Variants in SDK1 observed in about 807,000 individuals in gnomAD.
SDK1 encodes sidekick cell adhesion molecule 1.
In SDK1, 157 loss-of-function variants were observed where a neutral mutation model predicts 245.5. The ratio of observed to expected loss-of-function variants is 0.64; its 90% CI spans 0.56 to 0.73. The LOEUF (loss-of-function observed/expected upper bound fraction) is 0.73, where lower values mean the gene tolerates loss of function less well. Among genes scored for constraint, SDK1 ranks in the 30% least tolerant of loss-of-function variants. The pLI is 0.00. For missense variants in SDK1, 3,583 were observed against 3,002.3 expected (o/e 1.19, Z -4.52); for synonymous variants, 1,647 against 1,278.5 (o/e 1.29, Z -6.15).
chr7:3,793,331 A>T (rs1778864042), intron 4 of SDK1, among the ~76,000 whole-genome samples: 2 of 152,190 alleles, frequency 1.3e-5, no homozygotes, highest in South Asian at 4.1e-4. Flanking sequence ...TATTATTAAT[A>T]ATCAGCTCTG....
chr7:3,438,849 ATT>A (rs527596036), intron 1 of SDK1, among the ~76,000 whole-genome samples: 10 of 131,180 alleles, frequency 7.6e-5, no homozygotes, highest in African/African-American at 2.2e-4. Flanking sequence ...TTGTATTAAT[ATT>A]TTTTTTTTTT....
intron 1 of SDK1, among the ~76,000 whole-genome samples, chr7:3,435,538 G>A (rs1287117116): frequency 1.3e-5 from 2 of 151,104 alleles, no homozygotes; most frequent in Admixed American, 6.6e-5. Flanking sequence ...TTATTATTTT[G>A]TATTTTAGTA....
At chr7:4,127,311 T>C in intron 25 of SDK1, 70 bp from the exon 26 acceptor site, 1 of 1,166,302 alleles carries the variant, frequency 8.6e-7, no homozygotes, top group Non-Finnish European at 1.3e-6. Context: ...ATTATTTGGG[T>C]GAAAGCTGGA....
At chr7:4,005,073 G>C (rs960192001) in intron 14 of SDK1, among the ~76,000 whole-genome samples, 1 of 127,500 alleles carries the variant, frequency 7.8e-6, no homozygotes, top group African/African-American at 3.3e-5. Flanking sequence ...TTGAGACGGA[G>C]TCTTGCTGTG....
chr7:3,484,781 C>G (rs1422373371), intron 1 of SDK1, among the ~76,000 whole-genome samples: 1 of 152,198 alleles, frequency 6.6e-6, no homozygotes, highest in African/African-American at 2.4e-5. Context: ...CTGGGCCTGA[C>G]TTTCGCTTAA....
At chr7:3,353,647 A>G (rs899206233) in intron 1 of SDK1, among the ~76,000 whole-genome samples, 1 of 152,236 alleles carries the variant, frequency 6.6e-6, no homozygotes, top group African/African-American at 2.4e-5. Flanking sequence ...CTGCCCGTCA[A>G]AGCCAGACCT....
chr7:3,721,154 G>A (rs1043375217), intron 4 of SDK1, among the ~76,000 whole-genome samples: 1 of 152,192 alleles, frequency 6.6e-6, no homozygotes, highest in African/African-American at 2.4e-5. Context: ...GCTGGAGGGA[G>A]CTTGGAGGTG....
chr7:3,980,876 G>A (rs1000597206), intron 13 of SDK1, among the ~76,000 whole-genome samples: 1 of 151,954 alleles, frequency 6.6e-6, no homozygotes, highest in Non-Finnish European at 1.5e-5. Context: ...AGGAGGCGGA[G>A]GTTGCAGTGA....
chr7:3,578,560 A>G (rs887969161), intron 1 of SDK1, among the ~76,000 whole-genome samples: 3 of 151,922 alleles, frequency 2.0e-5, no homozygotes, highest in Non-Finnish European at 4.4e-5. Flanking sequence ...ACCAGGGTGT[A>G]TTTCAGTCCT....
chr7:3,405,165 AAAAAAC>A (rs933431981), intron 1 of SDK1, among the ~76,000 whole-genome samples: 25 of 141,550 alleles, frequency 1.8e-4, no homozygotes, highest in Middle Eastern at 3.5e-3. Flanking sequence ...AAACCAAAAA[AAAAAAC>A]AAAAACAAAA....
intron 1 of SDK1, among the ~76,000 whole-genome samples, chr7:3,315,859 A>G (rs1452733011): frequency 6.6e-6 from 1 of 152,138 alleles, no homozygotes; most frequent in African/African-American, 2.4e-5. Flanking sequence ...AGGGAACTTG[A>G]ATTATTGTTT....
intron 5 of SDK1, among the ~76,000 whole-genome samples, chr7:3,840,048 C>A (rs910857300): frequency 6.6e-6 from 1 of 151,986 alleles, no homozygotes. Context: ...CTGGGTCCCT[C>A]CGTATGATAG....
At chr7:4,130,567 G>T (rs978875679) in intron 27 of SDK1, 1 of 154,572 alleles carries the variant, frequency 6.5e-6, no homozygotes, top group African/African-American at 2.4e-5. Flanking sequence ...GTACTGCCCC[G>T]TCTCACTGTT....
At chr7:4,147,597 C>G (rs1336307365) in intron 29 of SDK1, among the ~76,000 whole-genome samples, 1 of 152,126 alleles carries the variant, frequency 6.6e-6, no homozygotes, top group Non-Finnish European at 1.5e-5. Flanking sequence ...AAGCACATCC[C>G]CTCTGTGACC....
chr7:4,025,998 C>G (rs1787313443), intron 17 of SDK1, among the ~76,000 whole-genome samples: 1 of 152,230 alleles, frequency 6.6e-6, no homozygotes, highest in South Asian at 2.1e-4. Flanking sequence ...AATGCTGAAT[C>G]CGGGACTGCA....
At chr7:3,865,258 G>A (rs375633262) in intron 5 of SDK1, among the ~76,000 whole-genome samples, 1 of 152,154 alleles carries the variant, frequency 6.6e-6, no homozygotes, top group Non-Finnish European at 1.5e-5. Flanking sequence ...GAGGCCTGGT[G>A]ATCCTCCTGA....
chr7:3,610,439 C>G (rs530641144), intron 1 of SDK1, among the ~76,000 whole-genome samples: 22 of 152,280 alleles, frequency 1.4e-4, no homozygotes, highest in African/African-American at 5.1e-4. Flanking sequence ...TACTTTTTCA[C>G]TACAAACCAT....
At chr7:4,058,628 C>G (rs576573593) in intron 19 of SDK1, among the ~76,000 whole-genome samples, 3 of 152,094 alleles carry the variant, frequency 2.0e-5, no homozygotes, top group Admixed American at 6.6e-5. Context: ...ATAAGAGAAC[C>G]CCCATCAGAC....
chr7:3,582,956 G>A (rs1447116497), intron 1 of SDK1, among the ~76,000 whole-genome samples: 1 of 152,178 alleles, frequency 6.6e-6, no homozygotes, highest in East Asian at 1.9e-4. Flanking sequence ...AATCGTATAG[G>A]TAATGATCAT....
Sources: gnomAD v4.1 joint callset for allele counts (sites outside exome capture counted in the v4.1 genomes callset) on GRCh38, gnomAD v4.1.1 for gene constraint, MANE v1.5 for transcripts, NCBI Gene and HGNC (gene_info 2026-07-23, HGNC 2026-07-21) for gene names.